Variants in ADGRB3 observed in about 807,000 individuals in gnomAD.
ADGRB3 encodes brain-specific angiogenesis inhibitor 3.
In ADGRB3, 37 loss-of-function variants were observed where a neutral mutation model predicts 193.4. The observed-to-expected ratio is 0.19, with a 90% CI of 0.15 to 0.25. The LOEUF (loss-of-function observed/expected upper bound fraction) is 0.25. Ranked by LOEUF, ADGRB3 falls within the 10% of genes least tolerant of loss-of-function variation. The probability of loss-of-function intolerance (pLI) is 1.00; values close to 1 mark genes in which losing one functional copy is unlikely to be tolerated. For synonymous variants in ADGRB3, 690 were observed against 644.2 expected, an observed-to-expected ratio of 1.07 and a Z score of -1.08; for missense variants, 1,637 against 1,852.9, an observed-to-expected ratio of 0.88 and a Z score of 2.14.
chr6:69,310,899 A>T lies in ADGRB3; in HGVS notation c.2815-13973A>T, dbSNP rs534975179. 4.0e-5 allele frequency among the ~76,000 whole-genome samples: 6 copies of T among 151,836 alleles called. No homozygotes were observed. The South Asian group carries it at 1.2e-3, about 32-fold the overall frequency. The stretch of plus-strand genomic sequence containing the variant: ...AATGTATTTATAGTCATTACTTATA[A>T]AAGTAATATTACTAGAAATAGTTGG... On this transcript the variant is annotated intron_variant, in intron 20 of 31. Coordinates refer to ENST00000370598, the MANE Select transcript of ADGRB3 (RefSeq NM_001704.3).
intron 28 of ADGRB3, among the ~76,000 whole-genome samples, chr6:69,356,630 T>C (rs1030482053): frequency 7.9e-5 from 12 of 152,070 alleles, no homozygotes; most frequent in Non-Finnish European, 4.4e-5. Context: ...TAATGGTTGT[T>C]GGGTGTAAGG....
intron 3 of ADGRB3, among the ~76,000 whole-genome samples, chr6:68,714,228 C>T (rs1765454161): frequency 6.6e-6 from 1 of 151,846 alleles, no homozygotes. Flanking sequence ...AAAGAAATCA[C>T]TACTTATATA....
At chr6:69,193,123 C>T (rs1168170212) in intron 17 of ADGRB3, among the ~76,000 whole-genome samples, 1 of 152,046 alleles carries the variant, frequency 6.6e-6, no homozygotes, top group African/African-American at 2.4e-5. Context: ...GATCATCTGC[C>T]AGTTTTTCAT....
At chr6:68,809,826 G>T (rs73745879) in intron 3 of ADGRB3, among the ~76,000 whole-genome samples, 4,824 of 152,120 alleles carry the variant, frequency 0.032, 140 homozygotes, top group African/African-American at 0.07. Flanking sequence ...TCTCCAATAC[G>T]TAAAGCTGAA....
intron 3 of ADGRB3, among the ~76,000 whole-genome samples, chr6:68,908,214 G>T (rs941660180): frequency 6.6e-6 from 1 of 151,736 alleles, no homozygotes; most frequent in Non-Finnish European, 1.5e-5. Context: ...ACATCTATTG[G>T]CATTATTGAT....
chr6:69,277,197 G>A (rs1767321531), intron 20 of ADGRB3, among the ~76,000 whole-genome samples: 1 of 151,978 alleles, frequency 6.6e-6, no homozygotes, highest in Non-Finnish European at 1.5e-5. Flanking sequence ...GTTTCAACAT[G>A]TTGGTCAGGC....
intron 30 of ADGRB3, among the ~76,000 whole-genome samples, chr6:69,381,563 A>C (rs1006379565): frequency 6.6e-6 from 1 of 151,968 alleles, no homozygotes; most frequent in Non-Finnish European, 1.5e-5. Flanking sequence ...CTTGCATAGG[A>C]GAGAACAGAC....
At chr6:69,248,764 T>A (rs891825207) in intron 20 of ADGRB3, among the ~76,000 whole-genome samples, 4 of 152,142 alleles carry the variant, frequency 2.6e-5, no homozygotes, top group African/African-American at 9.7e-5. Context: ...TCTAGAAGTA[T>A]CTTATGTGCA....
intron 31 of ADGRB3, among the ~76,000 whole-genome samples, chr6:69,385,615 C>T (rs890512538): frequency 6.6e-6 from 1 of 152,124 alleles, no homozygotes; most frequent in Non-Finnish European, 1.5e-5. Flanking sequence ...ATCTGTTTAA[C>T]TACAGCTCCT....
chr6:68,841,400 A>G (rs143280210), intron 3 of ADGRB3, among the ~76,000 whole-genome samples: 40 of 152,292 alleles, frequency 2.6e-4, no homozygotes, highest in Non-Finnish European at 4.9e-4. Context: ...AATATCAGGT[A>G]CCTTCTCTGG....
At chr6:69,147,995 ATCCCTTTACTT>A (rs930493375) in intron 17 of ADGRB3, among the ~76,000 whole-genome samples, 4 of 152,062 alleles carry the variant, frequency 2.6e-5, no homozygotes, top group Non-Finnish European at 4.4e-5. Flanking sequence ...ATCTTTTTCC[ATCCCTTTACTT>A]TCAGTCTATT....
intron 17 of ADGRB3, among the ~76,000 whole-genome samples, chr6:69,194,207 C>G (rs1765253241): frequency 6.6e-6 from 1 of 151,918 alleles, no homozygotes; most frequent in African/African-American, 2.4e-5. Context: ...AAACCTTACC[C>G]AAAATAAAAA....
intron 3 of ADGRB3, among the ~76,000 whole-genome samples, chr6:68,776,616 G>A (rs951069145): frequency 3.3e-5 from 5 of 152,164 alleles, no homozygotes; most frequent in African/African-American, 1.2e-4. Context: ...CACCGTGTGG[G>A]AGAGAGAACT....
chr6:68,801,082 T>G (rs997922669), intron 3 of ADGRB3, among the ~76,000 whole-genome samples: 1 of 152,214 alleles, frequency 6.6e-6, no homozygotes, highest in South Asian at 2.1e-4. Context: ...TTTGTAGGCT[T>G]AATTAATATG....
At chr6:69,374,622 A>G (rs1032897430) in intron 30 of ADGRB3, among the ~76,000 whole-genome samples, 1 of 152,038 alleles carries the variant, frequency 6.6e-6, no homozygotes, top group Non-Finnish European at 1.5e-5. Context: ...TAGCCCTTTC[A>G]TGTAGCCAGT....
At chr6:68,918,950 A>G (rs1007933016) in intron 3 of ADGRB3, among the ~76,000 whole-genome samples, 1 of 151,988 alleles carries the variant, frequency 6.6e-6, no homozygotes, top group African/African-American at 2.4e-5. Context: ...TTATTTTTCA[A>G]TTCCTTCCAC....
chr6:69,335,733 G>C (rs374090864), intron 24 of ADGRB3, among the ~76,000 whole-genome samples: 1 of 152,002 alleles, frequency 6.6e-6, no homozygotes, highest in Non-Finnish European at 1.5e-5. Flanking sequence ...TGGTCGACTT[G>C]ACAACCAATC....
chr6:69,033,979 A>G (rs560679730), intron 13 of ADGRB3, among the ~76,000 whole-genome samples: 1 of 152,206 alleles, frequency 6.6e-6, no homozygotes, highest in East Asian at 1.9e-4. Context: ...AATAGGTTAT[A>G]TTCCCAAATA....
chr6:69,233,387 G>A lies in ADGRB3; in HGVS notation c.2578G>A (p.Ala860Thr). The change falls in exon 18 of 32, where the codon GCC becomes ACC. Residue 860 changes from alanine to threonine, a missense_variant. Physicochemically the swap from Ala to Thr is moderately conservative, Grantham distance 58. This residue lies in a region of ADGRB3 where 641 missense variants were observed against 673.9 expected (regional missense o/e 0.95). Transcript: ENST00000370598. ...CTTATGTGATCGTCTCTCTACCTTC[G>A]CCATTTTGGCTCAGCAACCTAGAGA... is the stretch of plus-strand genomic sequence containing the variant. ...KCLCDRLSTF[A>T]ILAQQPREII... The A allele has an allele frequency of 1.2e-6, 2 of 1,613,898 alleles. No homozygotes were observed. Among genetic ancestry groups the A allele is most frequent in the Non-Finnish European group, 1.7e-6 (2 of 1,179,950 alleles).
Sources: gnomAD v4.1 joint callset for allele counts (sites outside exome capture counted in the v4.1 genomes callset) on GRCh38, gnomAD v4.1.1 for gene constraint, gnomAD v4.1.1 regional missense constraint, MANE v1.5 for transcripts, NCBI Gene and HGNC (gene_info 2026-07-23, HGNC 2026-07-21) for gene names.